The following BAG3 variants were observed in gnomAD, a reference collection of about 807,000 sequenced individuals.
BAG3 encodes the protein BAG family molecular chaperone regulator 3.
A neutral mutation model predicts 40.5 loss-of-function variants in BAG3; 14 were observed. The observed-to-expected ratio is 0.35, with a 90% CI of 0.23 to 0.54. The LOEUF is 0.54. Ranked by LOEUF, BAG3 falls within the 20% of genes least tolerant of loss-of-function variation. The pLI is 0.91. For missense variants in BAG3, 788 were observed against 758.6 expected (o/e 1.04, Z -0.46); for synonymous variants, 302 against 307.8 (o/e 0.98, Z 0.20).
At chr10:119,665,945 C>T (rs1847060075) in intron 1 of BAG3, among the ~76,000 whole-genome samples, 2 of 152,118 alleles carry the variant, frequency 1.3e-5, no homozygotes, top group Non-Finnish European at 2.9e-5. Context: ...ATACAGACCT[C>T]GGGACTGTTG....
intron 1 of BAG3, among the ~76,000 whole-genome samples, chr10:119,666,121 C>T (rs11817916): frequency 0.01 from 1,590 of 152,306 alleles, 36 homozygotes; most frequent in African/African-American, 0.037. Flanking sequence ...GCCCTCTGCC[C>T]TGCTTTGTGC....
chr10:119,671,438 CGAGGTGAATAG>C (rs998466083), intron 2 of BAG3, among the ~76,000 whole-genome samples: 2 of 152,196 alleles, frequency 1.3e-5, no homozygotes, highest in Admixed American at 1.3e-4. Flanking sequence ...CTCTCAATTT[CGAGGTGAATAG>C]AAGGTGGCCC....
Position 119,674,739 on chromosome 10 carries a change from C to T in BAG3, c.910-1725C>T, listed in dbSNP as rs150148360. 3.1e-3 allele frequency among the ~76,000 whole-genome samples: 471 copies of T among 149,822 alleles called. 2 individuals are homozygous for T. The highest frequency in any genetic ancestry group is 0.01 in the African/African-American group (425 of 40,752). ...ATCCTAGCACTTTGGGAGGCCGAGG[C>T]GGGGGTATCACTTAAGGTCAGGAGT... On this transcript the variant is annotated intron_variant, in intron 3 of 3. Transcript: ENST00000369085.
At position 119,676,876 on chromosome 10, in the gene BAG3, A is replaced by C; in HGVS notation, c.1322A>C (p.Asn441Thr). 1 of 1,614,224 alleles carries C rather than the reference A, an allele frequency of 6.2e-7. No individual in the cohort carries two copies. The highest frequency in any genetic ancestry group is 1.3e-5 in the African/African-American group (1 of 75,052). ...CAGGGGCTGGAGCAGGCTGTAGACA[A>C]CTTTGAAGGCAAGAAGACTGACAAA... ...KVQGLEQAVD[N>T]FEGKKTDKKY... Residue 441 changes from asparagine (N) to threonine (T), a missense_variant, in exon 4 of 4, where the codon AAC becomes ACC. Asn to Thr is a moderately conservative substitution (Grantham distance 65, BLOSUM62 0). Transcript: ENST00000369085.
Position 119,677,593 on chromosome 10 carries a change from GC to G in BAG3, c.*312del. On this transcript the variant is annotated 3_prime_UTR_variant, in exon 4 of 4. Coordinates refer to ENST00000369085, the MANE Select transcript of BAG3 (RefSeq NM_004281.4). ...CTGTGGTTGTGCACTGTCTTTTGTA[GC>G]TCTGGACTGGAGGGGTAGATGGGGA... 1 of 444,926 alleles carries G rather than the reference GC, an allele frequency of 2.2e-6. No individual in the cohort carries two copies. The highest frequency in any genetic ancestry group is 2.5e-5 in the South Asian group (1 of 40,708). 27.6% of individuals were successfully genotyped at this position (444,926 alleles called of 1,614,324 possible).
At chr10:119,664,878 G>A (rs1428264813) in intron 1 of BAG3, among the ~76,000 whole-genome samples, 1 of 152,070 alleles carries the variant, frequency 6.6e-6, no homozygotes, top group African/African-American at 2.4e-5. Context: ...CCATAGAAGA[G>A]AGAAAGGGCA....
rs34656239 is a variant in BAG3 at position 119,676,990 on chromosome 10, C to A, written c.1436C>A (p.Ala479Asp). Residue 479 changes from alanine to aspartate, a missense_variant, in exon 4 of 4, where the codon GCC (alanine) becomes GAC (aspartate). Ala to Asp is a moderately radical substitution (Grantham distance 126, BLOSUM62 -2). Coordinates refer to ENST00000369085, the MANE Select transcript of BAG3 (RefSeq NM_004281.4). ...GAGGGACGAGCCGATGTGCGTCAGGCCAGGAGAGACGGTGTCAGGAAGGTT... is the reference window on the plus strand; with the variant it reads ...GAGGGACGAGCCGATGTGCGTCAGGACAGGAGAGACGGTGTCAGGAAGGTT... ...DPEGRADVRQ[A>D]RRDGVRKVQT... 1.2e-6 allele frequency: 2 copies of A among 1,614,138 alleles called. No homozygotes were observed. Among genetic ancestry groups the A allele is most frequent in the Non-Finnish European group, 1.7e-6 (2 of 1,180,030 alleles).
chr10:119,651,608 G>A lies in BAG3; in HGVS notation c.-68G>A, dbSNP rs894750334. ...GGAGAGGGGCCCACGGCGGCGGCCC[G>A]GCCAGAGACTCGGCGCCCGGAGCCA... On this transcript the variant is annotated 5_prime_UTR_variant, in exon 1 of 4. Transcript: ENST00000369085. The A allele has an allele frequency of 1.4e-5, 19 of 1,372,274 alleles. No homozygotes were observed. The highest frequency in any genetic ancestry group is 1.7e-5 in the South Asian group (1 of 59,040). The allele number at this position is 1,372,274 out of a possible 1,614,324, so 85.0% of individuals were successfully genotyped here.
chr10:119,672,549 T>C lies in BAG3; in HGVS notation c.802T>C (p.Ser268Pro), dbSNP rs761965592. The C allele has an allele frequency of 1.2e-6, 2 of 1,613,832 alleles. No homozygotes were observed. The highest frequency in any genetic ancestry group is 1.7e-6 in the Non-Finnish European group (2 of 1,179,880). The change falls in exon 3 of 4, where the codon TCA becomes CCA. Residue 268 changes from serine (S) to proline (P), a missense_variant. Coordinates refer to ENST00000369085, the MANE Select transcript of BAG3 (RefSeq NM_004281.4). This position sits in a 1 kb window ranked among gnomAD's most constrained non-coding sequence, Gnocchi z 4.8. ...CCTGCGGGCGGCATCCCCGTTCAGG[T>C]CATCTGTCCAGGGTGCATCGAGCCG... ...RPLRAASPFR[S>P]SVQGASSREG...
At chr10:119,654,034 T>C (rs1846878568) in intron 1 of BAG3, among the ~76,000 whole-genome samples, 1 of 152,208 alleles carries the variant, frequency 6.6e-6, no homozygotes, top group Admixed American at 6.5e-5. Flanking sequence ...CTTGTCAGCA[T>C]GGCACCAAAA....
In BAG3 at chr10:119,676,746, C is replaced by T; in HGVS notation, c.1192C>T (p.Pro398Ser). 1 of 1,614,090 alleles carries T rather than the reference C, an allele frequency of 6.2e-7. No individual in the cohort carries two copies. Among genetic ancestry groups the T allele is most frequent in the Non-Finnish European group, 8.5e-7 (1 of 1,180,022 alleles). ...TGTGGCTACAGAAGAGAGGGCAGCC[C>T]CCAGCACTGCCCCTGCAGAAGCTAC... Reference protein sequence around the residue: ...KSVATEERAAPSTAPAEATPP... With the variant: ...KSVATEERAASSTAPAEATPP... Residue 398 changes from proline (P) to serine (S), a missense_variant, in exon 4 of 4, where the codon CCC becomes TCC. By Grantham distance (74) the Pro-to-Ser change is moderately conservative (BLOSUM62 -1). Coordinates refer to ENST00000369085, the MANE Select transcript of BAG3 (RefSeq NM_004281.4).
chr10:119,670,137 C>G lies in BAG3; in HGVS notation c.467C>G (p.Ala156Gly), dbSNP rs572038196. ...QPDKQCGQVA[A>G]AAAAQPPASH... ...GATAAACAGTGTGGACAGGTGGCAG[C>G]GGCGGCGGCAGCCCAGCCCCCAGCC... The change falls in exon 2 of 4, where the codon GCG becomes GGG. Residue 156 changes from alanine to glycine, a missense_variant. By Grantham distance (60) the Ala-to-Gly change is moderately conservative. Coordinates refer to ENST00000369085, the MANE Select transcript of BAG3 (RefSeq NM_004281.4). 2.4e-5 allele frequency: 38 copies of G among 1,610,560 alleles called. No homozygotes were observed. In the African/African-American group the frequency reaches 3.5e-4, roughly 15 times the overall value.
At position 119,665,376 on chromosome 10, in the gene BAG3, G is replaced by A. The variant is rs1293248940; in HGVS notation, c.181-4475G>A. On this transcript the variant is annotated intron_variant, in intron 1 of 3. Coordinates refer to ENST00000369085, the MANE Select transcript of BAG3 (RefSeq NM_004281.4). The stretch of plus-strand genomic sequence containing the variant: ...AGGATGGTCTCCATCTCCTGACCTC[G>A]TGATCCACCCACCTCAGCCTGCCAA... 2.0e-5 allele frequency among the ~76,000 whole-genome samples: 3 copies of A among 151,578 alleles called. No homozygotes were observed. The South Asian group carries it at 6.3e-4, about 32-fold the overall frequency.
intron 1 of BAG3, among the ~76,000 whole-genome samples, chr10:119,663,692 A>T (rs1847022392): frequency 6.6e-6 from 1 of 151,964 alleles, no homozygotes; most frequent in African/African-American, 2.4e-5. Flanking sequence ...TGTAGTTAGG[A>T]GTAGTCGTTT....
chr10:119,653,525 C>A (rs1048950558), intron 1 of BAG3, among the ~76,000 whole-genome samples: 6 of 152,142 alleles, frequency 3.9e-5, no homozygotes, highest in Non-Finnish European at 7.3e-5. Flanking sequence ...CTTCCTGTAC[C>A]CACCTGGTGC....
chr10:119,651,891 G>A (rs375604400), intron 1 of BAG3, 36 bp downstream of exon 1: 5 of 1,479,254 alleles, frequency 3.4e-6, no homozygotes, highest in Admixed American at 2.3e-5. Context: ...GGTCGGTGGC[G>A]CCACCTCGAC....
At chr10:119,671,294 C>T (rs562144306) in intron 2 of BAG3, among the ~76,000 whole-genome samples, 2 of 152,132 alleles carry the variant, frequency 1.3e-5, no homozygotes, top group South Asian at 2.1e-4. Flanking sequence ...GGTGATAGAG[C>T]GAGACTGTCT....
intron 1 of BAG3, 31 bp from the exon 2 acceptor site, chr10:119,669,820 C>A (rs1049203631): frequency 7.5e-6 from 12 of 1,603,616 alleles, no homozygotes; most frequent in Non-Finnish European, 1.0e-5. Context: ...CAGTTTCTAA[C>A]CAGCCTGTGT....
chr10:119,665,767 G>GTTT lies in BAG3; in HGVS notation c.181-4078_181-4076dup, dbSNP rs67527405. Among the ~76,000 whole-genome samples the GTTT allele has an allele frequency of 6.6e-5, 10 of 151,564 alleles. No individual in the cohort carries two copies. In the East Asian group the frequency reaches 1.2e-3, roughly 18 times the overall value. ...TAATTGCCTATTTTGTGAAATTCAT[G>GTTT]TTTTTTTTATTTAAAGCAATTTTTT... is the stretch of plus-strand genomic sequence containing the variant. On this transcript the variant is annotated intron_variant, in intron 1 of 3. Transcript: ENST00000369085.
Sources: gnomAD v4.1 joint callset for allele counts (sites outside exome capture counted in the v4.1 genomes callset) on GRCh38, gnomAD v4.1.1 for gene constraint, Gnocchi (gnomAD v3.1) non-coding constraint, MANE v1.5 for transcripts, NCBI Gene and HGNC (gene_info 2026-07-23, HGNC 2026-07-21) for gene names.